Variants in FBXL13 observed in about 807,000 individuals in gnomAD.
FBXL13 encodes F-box and leucine-rich repeat protein 13.
In FBXL13, 67 loss-of-function variants were observed where a neutral mutation model predicts 83.6. The ratio of observed to expected loss-of-function variants is 0.80; its 90% CI spans 0.66 to 0.98. FBXL13 has a LOEUF of 0.98. Among genes scored for constraint, FBXL13 ranks in the 50% least tolerant of loss-of-function variants. The probability of loss-of-function intolerance (pLI) is 0.00; values close to 1 mark genes in which losing one functional copy is unlikely to be tolerated. For synonymous variants in FBXL13, 272 were observed against 299.5 expected (o/e 0.91, Z 0.95); for missense variants, 822 against 866.5 (o/e 0.95, Z 0.64).
chr7:102,984,136 G>A (rs369530528), intron 6 of FBXL13, among the ~76,000 whole-genome samples: 19 of 152,022 alleles, frequency 1.2e-4, no homozygotes, highest in African/African-American at 3.4e-4. Flanking sequence ...AGATAACACC[G>A]TGAAACATCA....
At chr7:103,020,096 T>C (rs1792945719) in intron 6 of FBXL13, among the ~76,000 whole-genome samples, 1 of 152,258 alleles carries the variant, frequency 6.6e-6, no homozygotes, top group African/African-American at 2.4e-5. Context: ...GCAAACCGAA[T>C]CCAGCAGCAT....
intron 17 of FBXL13, among the ~76,000 whole-genome samples, chr7:102,834,064 GGAAGGAAGGAAGGAAGGAAA>G (rs1413460110): frequency 0.014 from 1,600 of 112,154 alleles, 20 homozygotes; most frequent in Non-Finnish European, 0.021. Flanking sequence ...AAGGAAGGAA[GGAAGGAAGGAAGGAAGGAAA>G]GAAAAGAAAG....
chr7:102,979,833 A>C (rs1436973649), intron 6 of FBXL13, among the ~76,000 whole-genome samples: 2 of 152,208 alleles, frequency 1.3e-5, no homozygotes, highest in African/African-American at 4.8e-5. Context: ...TGCTGTAAAA[A>C]AATGTAAAAA....
chr7:103,074,538 G>A (rs1368520593), exon 1 of FBXL13: 1 of 1,210,022 alleles, frequency 8.3e-7, no homozygotes, highest in Non-Finnish European at 1.1e-6. Flanking sequence ...TCGCCTACAA[G>A]TCCGAATTTG....
At chr7:103,062,396 C>A (rs1798010404) in intron 1 of FBXL13, among the ~76,000 whole-genome samples, 1 of 152,064 alleles carries the variant, frequency 6.6e-6, no homozygotes, top group African/African-American at 2.4e-5. Flanking sequence ...TATATGAGTT[C>A]CTATCTTAAT....
chr7:102,949,603 TA>T (rs1023906826), intron 8 of FBXL13, among the ~76,000 whole-genome samples: 17 of 152,034 alleles, frequency 1.1e-4, no homozygotes, highest in Non-Finnish European at 2.2e-4. Flanking sequence ...TTTGCTTCCT[TA>T]AAAAAAATCA....
intron 6 of FBXL13, among the ~76,000 whole-genome samples, chr7:102,971,962 G>A (rs1469046436): frequency 6.6e-6 from 1 of 151,462 alleles, no homozygotes; most frequent in Non-Finnish European, 1.5e-5. Context: ...GGAGGCAGAG[G>A]TTGCAGTGAG....
At chr7:102,860,399 G>C (rs59278165) in intron 16 of FBXL13, among the ~76,000 whole-genome samples, 29,061 of 152,094 alleles carry the variant, frequency 0.19, 3,035 homozygotes, top group East Asian at 0.43. Context: ...GTATCATTTT[G>C]ACAAGTGAAA....
intron 6 of FBXL13, chr7:102,973,261 CTT>C (rs1307874806): frequency 2.6e-6 from 1 of 388,070 alleles, no homozygotes; most frequent in Non-Finnish European, 4.7e-6. Flanking sequence ...TAACTCCTCT[CTT>C]CTCAGGCCCA....
intron 16 of FBXL13, among the ~76,000 whole-genome samples, chr7:102,873,113 ACTT>A (rs1364826711): frequency 6.6e-6 from 1 of 152,168 alleles, no homozygotes; most frequent in Non-Finnish European, 1.5e-5. Flanking sequence ...TTGCTGATCA[ACTT>A]CTTCATGAGT....
intron 11 of FBXL13, among the ~76,000 whole-genome samples, chr7:102,900,577 G>A (rs1435953857): frequency 6.6e-6 from 1 of 152,158 alleles, no homozygotes; most frequent in East Asian, 1.9e-4. Flanking sequence ...ACTACACCCA[G>A]AGCTGAAGAG....
chr7:102,963,939 T>C (rs545505176), intron 7 of FBXL13, among the ~76,000 whole-genome samples: 9 of 152,138 alleles, frequency 5.9e-5, no homozygotes, highest in African/African-American at 1.2e-4. Flanking sequence ...GAACAGATAC[T>C]TCTCAAAAGA....
At chr7:102,976,053 TG>T in intron 6 of FBXL13, 1 of 766,390 alleles carries the variant, frequency 1.3e-6, no homozygotes, top group Non-Finnish European at 2.4e-6. Flanking sequence ...AGGACCCCAC[TG>T]GAAGTTGGAC....
chr7:102,820,726 G>A (rs1283730063), intron 19 of FBXL13, among the ~76,000 whole-genome samples: 2 of 152,180 alleles, frequency 1.3e-5, no homozygotes, highest in Non-Finnish European at 2.9e-5. Context: ...AGGAAAGAAG[G>A]AGCCCTAGCT....
At chr7:103,040,373 A>G (rs1795536162) in intron 2 of FBXL13, among the ~76,000 whole-genome samples, 1 of 152,146 alleles carries the variant, frequency 6.6e-6, no homozygotes, top group African/African-American at 2.4e-5. Flanking sequence ...CACCATAATA[A>G]TGGGAGACTT....
At chr7:103,022,800 C>T (rs187213120) in intron 6 of FBXL13, among the ~76,000 whole-genome samples, 122 of 152,146 alleles carry the variant, frequency 8.0e-4, no homozygotes, top group Non-Finnish European at 1.4e-3. Flanking sequence ...AAAGCAATTG[C>T]AACAAAAACA....
chr7:102,855,474 A>C (rs1448717300), intron 16 of FBXL13, among the ~76,000 whole-genome samples: 1 of 152,118 alleles, frequency 6.6e-6, no homozygotes, highest in Non-Finnish European at 1.5e-5. Flanking sequence ...CCCATTTCTC[A>C]GTACTTTTTC....
At chr7:102,834,274 A>C (rs1801440641) in intron 17 of FBXL13, among the ~76,000 whole-genome samples, 1 of 150,558 alleles carries the variant, frequency 6.6e-6, no homozygotes. Context: ...TAGAATACAA[A>C]GTTAGAGACC....
intron 8 of FBXL13, among the ~76,000 whole-genome samples, chr7:102,932,638 A>G (rs1460452092): frequency 3.2e-5 from 1 of 30,858 alleles, no homozygotes; most frequent in African/African-American, 9.6e-5. Flanking sequence ...TCTGTCAGCC[A>G]CGCTAGAGTG....
Sources: allele counts gnomAD v4.1 joint callset (sites outside exome capture counted in the v4.1 genomes callset), GRCh38; gene constraint gnomAD v4.1.1; transcripts MANE v1.5; gene names NCBI Gene and HGNC (gene_info 2026-07-23, HGNC 2026-07-21).